CFTR: variants seen among roughly 807,000 people sequenced by gnomAD.
The protein encoded by CFTR is cystic fibrosis transmembrane conductance regulator.
A neutral mutation model predicts 171.6 loss-of-function variants in CFTR; 181 were observed. The observed-to-expected ratio is 1.05, with a 90% confidence interval of 0.93 to 1.19. The LOEUF is 1.19. Ranked by LOEUF, CFTR falls within the 50% of genes most tolerant of loss-of-function variation. The probability of loss-of-function intolerance (pLI) is 0.00; values close to 1 mark genes in which losing one functional copy is unlikely to be tolerated. For missense variants in CFTR, 1,968 were observed against 1,734.7 expected, an observed-to-expected ratio of 1.13 and a Z score of -2.39; for synonymous variants, 583 against 608.0, an observed-to-expected ratio of 0.96 and a Z score of 0.60.
chr7:117,488,743 G>A (rs987580021), intron 1 of CFTR, among the ~76,000 whole-genome samples: 1 of 152,004 alleles, frequency 6.6e-6, no homozygotes, highest in Non-Finnish European at 1.5e-5. Flanking sequence ...AGTTAACCTA[G>A]TGCTCTAAAG....
At chr7:117,584,888 C>CT (rs1791905752) in intron 11 of CFTR, among the ~76,000 whole-genome samples, 1 of 151,064 alleles carries the variant, frequency 6.6e-6, no homozygotes, top group Non-Finnish European at 1.5e-5. Context: ...CTTTAACCTC[C>CT]TTGGTTAAGT....
At chr7:117,529,446 G>A in intron 3 of CFTR, among the ~76,000 whole-genome samples, 1 of 135,964 alleles carries the variant, frequency 7.4e-6, no homozygotes, top group Non-Finnish European at 1.5e-5. Flanking sequence ...CAGCGCACCA[G>A]CATGGCACAT....
At chr7:117,538,032 T>C (rs1798986306) in intron 7 of CFTR, among the ~76,000 whole-genome samples, 1 of 152,228 alleles carries the variant, frequency 6.6e-6, no homozygotes, top group East Asian at 1.9e-4. Context: ...TGTTCCCTCT[T>C]CCTCAAAAGA....
chr7:117,599,480 G>A (rs551018588), intron 15 of CFTR, among the ~76,000 whole-genome samples: 9 of 152,090 alleles, frequency 5.9e-5, no homozygotes, highest in Non-Finnish European at 1.0e-4. Context: ...TTACAACAGA[G>A]AATATAAATA....
At chr7:117,648,060 T>A (rs75164292) in intron 23 of CFTR, among the ~76,000 whole-genome samples, 4,702 of 138,808 alleles carry the variant, frequency 0.034, 191 homozygotes, top group African/African-American at 0.11. Flanking sequence ...TTTATATATA[T>A]GTATATATGT....
chr7:117,635,623 AC>A (rs1434528781), intron 22 of CFTR, among the ~76,000 whole-genome samples: 1 of 152,048 alleles, frequency 6.6e-6, no homozygotes, highest in Non-Finnish European at 1.5e-5. Flanking sequence ...CTTTAAAAAA[AC>A]ATTTTTTAGT....
chr7:117,582,064 T>C (rs1000034626), intron 11 of CFTR, among the ~76,000 whole-genome samples: 1 of 152,168 alleles, frequency 6.6e-6, no homozygotes, highest in African/African-American at 2.4e-5. Context: ...CCAAGTTTTA[T>C]TTTAGAATTA....
intron 3 of CFTR, among the ~76,000 whole-genome samples, chr7:117,528,001 T>C (rs1449060764): frequency 1.7e-5 from 2 of 121,168 alleles, no homozygotes; most frequent in African/African-American, 6.2e-5. Context: ...CTTCATAGAA[T>C]TGGAAAAAAC....
chr7:117,589,234 G>A (rs942026932), intron 12 of CFTR, among the ~76,000 whole-genome samples: 1 of 151,988 alleles, frequency 6.6e-6, no homozygotes. Context: ...AGAGTGTGGG[G>A]AAGAAACTGT....
chr7:117,515,159 A>G (rs1478064715), intron 3 of CFTR, among the ~76,000 whole-genome samples: 1 of 152,012 alleles, frequency 6.6e-6, no homozygotes, highest in Non-Finnish European at 1.5e-5. Context: ...GTTTAATTAG[A>G]TCCAATTTGT....
At chr7:117,556,990 A>G (rs911687129) in intron 10 of CFTR, among the ~76,000 whole-genome samples, 19 of 151,720 alleles carry the variant, frequency 1.3e-4, no homozygotes, top group Non-Finnish European at 5.9e-5. Context: ...ATCTTTATTA[A>G]TTATTCTATT....
intron 21 of CFTR, chr7:117,616,096 C>A (rs1456418746): frequency 1.3e-5 from 2 of 152,050 alleles, no homozygotes; most frequent in Non-Finnish European, 2.9e-5. Flanking sequence ...TAAAAAATAT[C>A]TCCAGGAAAA....
At chr7:117,666,623 G>A (rs111451449) in intron 26 of CFTR, among the ~76,000 whole-genome samples, 8 of 152,184 alleles carry the variant, frequency 5.3e-5, no homozygotes, top group African/African-American at 1.7e-4. Context: ...TAATTTATAA[G>A]GGACCTAATA....
chr7:117,579,371 C>T (rs1396945696), intron 11 of CFTR, among the ~76,000 whole-genome samples: 1 of 151,668 alleles, frequency 6.6e-6, no homozygotes, highest in Non-Finnish European at 1.5e-5. Context: ...TTAAATTTCA[C>T]CTAAGAAGAA....
intron 1 of CFTR, among the ~76,000 whole-genome samples, chr7:117,499,638 T>C (rs1798290403): frequency 6.6e-6 from 1 of 151,296 alleles, no homozygotes; most frequent in Non-Finnish European, 1.5e-5. Flanking sequence ...TAGTGAATGA[T>C]TAATTAGTTT....
Position 117,606,692 on chromosome 7 carries a change from T to C in CFTR, c.2927T>C (p.Phe976Ser), listed in dbSNP as rs770891418. The C allele has an allele frequency of 1.3e-6, 2 of 1,579,400 alleles. No homozygotes were observed. Among genetic ancestry groups the C allele is most frequent in the Admixed American group, 3.3e-5 (2 of 59,958 alleles). ...ATTATAGGTGGGATTCTTAATAGAT[T>C]CTCCAAAGATATAGCAATTTTGGAT... is the stretch of plus-strand genomic sequence containing the variant. ...TLKAGGILNR[F>S]SKDIAILDDL... Residue 976 changes from phenylalanine to serine, a missense_variant, in exon 18 of 27, where the codon TTC becomes TCC. Coordinates refer to ENST00000003084, the MANE Select transcript of CFTR (RefSeq NM_000492.4).
chr7:117,502,363 TAAG>T (rs1798345737), intron 1 of CFTR, among the ~76,000 whole-genome samples: 1 of 152,240 alleles, frequency 6.6e-6, no homozygotes, highest in Admixed American at 6.5e-5. Context: ...TCTACCCATT[TAAG>T]AAGATTTTCA....
rs545554717 is a variant in CFTR at position 117,666,210 on chromosome 7, C to T, written c.4242+646C>T. ...CCCATCTGTCTTTATTAAAACAAAA[C>T]AAAACTGTCACAGCTTCTTTCAAGT... On this transcript the variant is annotated intron_variant, in intron 26 of 26. Transcript: ENST00000003084. Among the ~76,000 whole-genome samples, 3 of 152,256 alleles carry T rather than the reference C, an allele frequency of 2.0e-5. No individual in the cohort carries two copies. In the South Asian group the frequency reaches 6.2e-4, roughly 32 times the overall value.
intron 9 of CFTR, among the ~76,000 whole-genome samples, chr7:117,544,231 T>A (rs1412441124): frequency 6.6e-6 from 1 of 151,768 alleles, no homozygotes; most frequent in Non-Finnish European, 1.5e-5. Flanking sequence ...AAGTGCTATC[T>A]GGGTAACAGT....
Sources: gnomAD v4.1 joint callset for allele counts (sites outside exome capture counted in the v4.1 genomes callset) on GRCh38, gnomAD v4.1.1 for gene constraint, MANE v1.5 for transcripts, NCBI Gene and HGNC (gene_info 2026-07-23, HGNC 2026-07-21) for gene names.